GPI: variants seen among roughly 807,000 people sequenced by gnomAD.
The protein encoded by GPI is D-hexose-6-phosphate anomerase.
In GPI, 56 loss-of-function variants were observed where a neutral mutation model predicts 75.8. The observed-to-expected ratio is 0.74, with a 90% CI of 0.60 to 0.92. The LOEUF (loss-of-function observed/expected upper bound fraction) is 0.92, where lower values mean the gene tolerates loss of function less well. GPI is among the 40% of genes least tolerant of loss of function. The pLI, the probability that GPI is intolerant of heterozygous loss-of-function variation, is 0.00. For missense variants in GPI, 638 were observed against 741.0 expected (o/e 0.86, Z 1.61); for synonymous variants, 288 against 285.4 (o/e 1.01, Z -0.09).
At chr19:34,370,848 G>C (rs566937840) in intron 4 of GPI, among the ~76,000 whole-genome samples, 40 of 152,320 alleles carry the variant, frequency 2.6e-4, no homozygotes, top group Non-Finnish European at 4.0e-4. Context: ...AGCCCGGGAG[G>C]TTGAGTCTGT....
Position 34,377,743 on chromosome 19 carries a change from C to T in GPI, c.495C>T (p.Leu165=), listed in dbSNP as rs773471277. ...IGIGGSDLGP[L]MVTEALKPYS... ...GCTATGTCTCCCCGCAGGGACCCCT[C>T]ATGGTGACTGAAGCCCTTAAGCCAT... The change falls in exon 6 of 18, where the codon CTC becomes CTT. Residue 165 remains leucine, a synonymous_variant. Coordinates refer to ENST00000356487, the MANE Select transcript of GPI (RefSeq NM_000175.5). 6.8e-6 allele frequency: 11 copies of T among 1,613,908 alleles called. No individual in the cohort carries two copies. The highest frequency in any genetic ancestry group is 1.6e-4 in the Middle Eastern group (1 of 6,084).
At chr19:34,389,388 G>A (rs8191410) in intron 9 of GPI, among the ~76,000 whole-genome samples, 2,223 of 152,210 alleles carry the variant, frequency 0.015, 24 homozygotes, top group South Asian at 0.025. Flanking sequence ...TCCTCCCACC[G>A]TGCCTCTCAG....
chr19:34,361,494 G>A (rs1425109746), upstream of GPI, among the ~76,000 whole-genome samples: 1 of 152,208 alleles, frequency 6.6e-6, no homozygotes, highest in Non-Finnish European at 1.5e-5. Flanking sequence ...GCATGGAGCT[G>A]TGCACGTAGT....
chr19:34,385,216 G>A (rs36041853), intron 9 of GPI, among the ~76,000 whole-genome samples: 18,968 of 151,986 alleles, frequency 0.12, 1,634 homozygotes, highest in African/African-American at 0.24. Context: ...GGGTGTGGTG[G>A]CACACGCCTG....
chr19:34,366,359 C>T lies in GPI; in HGVS notation c.137C>T (p.Thr46Ile). 1.2e-6 allele frequency: 2 copies of T among 1,611,606 alleles called. No homozygotes were observed. The highest frequency in any genetic ancestry group is 1.7e-6 in the Non-Finnish European group (2 of 1,177,654). ...RFNHFSLTLNTNHGHILVDYS... is the reference protein window; with the variant it reads ...RFNHFSLTLNINHGHILVDYS... The stretch of plus-strand genomic sequence containing the variant: ...TCTTTCTGCAGCTTGACCCTCAACA[C>T]CAACCATGGGCATATCCTGGTGGAT... Residue 46 changes from threonine to isoleucine, a missense_variant, in exon 2 of 18, where the codon ACC (threonine) becomes ATC (isoleucine). Physicochemically the swap from Thr to Ile is moderately conservative, Grantham distance 89. Coordinates refer to ENST00000356487, the MANE Select transcript of GPI (RefSeq NM_000175.5).
At chr19:34,366,039 C>T in intron 1 of GPI, 2 of 611,734 alleles carry the variant, frequency 3.3e-6, no homozygotes, top group Non-Finnish European at 6.1e-6. Flanking sequence ...TGGATGGGTG[C>T]CTGAGTAACT....
At chr19:34,399,056 G>A in intron 14 of GPI, 151 bp from the exon 15 acceptor site, 2 of 622,864 alleles carry the variant, frequency 3.2e-6, no homozygotes, top group South Asian at 1.9e-5. Flanking sequence ...GCCTTGTGGT[G>A]TCATCGGATG....
intron 9 of GPI, chr19:34,392,211 A>AAGTG (rs2074861668): frequency 1.3e-3 from 3 of 2,382 alleles, no homozygotes; most frequent in South Asian, 0.01. Context: ...TGGCCCCCTT[A>AAGTG]TGAGGATCTG....
rs756052282 is a variant in GPI, at chr19:34,393,806, G to T, written c.909+35G>T. 1.2e-6 allele frequency: 2 copies of T among 1,611,334 alleles called. No homozygotes were observed. The highest frequency in any genetic ancestry group is 1.7e-6 in the Non-Finnish European group (2 of 1,178,864). Reference sequence around the variant, plus strand: ...GAGGCTGGTTCTCTGCCAAGTGCTGGCCAGAGGCGCGTGTGTTGGTCCTGG... The same window carrying T: ...GAGGCTGGTTCTCTGCCAAGTGCTGTCCAGAGGCGCGTGTGTTGGTCCTGG... On this transcript the variant is annotated intron_variant, in intron 11 of 17. Transcript: ENST00000356487. The surrounding 1 kb of genome is among the most constrained non-coding windows in gnomAD (Gnocchi z 4.4).
rs372395628 is a variant in GPI at position 34,379,879 on chromosome 19, A to C, written c.750+317A>C. 1,624 of 527,474 alleles carry C rather than the reference A, an allele frequency of 3.1e-3. 46 individuals carry two copies. In the South Asian group the frequency reaches 0.033, roughly 11 times the overall value. 32.7% of individuals were successfully genotyped at this position (527,474 alleles called of 1,614,324 possible). ...GGCCTTTGTGCCCAGCATCTCCCCA[A>C]ATGTGACATGCTAGGTAGGGGTAGA... On this transcript the variant is annotated intron_variant, in intron 8 of 17. Transcript: ENST00000356487.
At position 34,383,884 on chromosome 19, in the gene GPI, G is replaced by A. The variant is rs542781128; in HGVS notation, c.804+2365G>A. On this transcript the variant is annotated intron_variant, in intron 9 of 17. Transcript: ENST00000356487. ...ACCAGGCTCCCTCAGGCCGAGGTCA[G>A]CAGCCAGGGATCTGTCATGTGTGAG... is the stretch of plus-strand genomic sequence containing the variant. Among the ~76,000 whole-genome samples the A allele has an allele frequency of 6.6e-5, 10 of 152,352 alleles. No homozygotes were observed. The East Asian group carries it at 1.9e-3, about 29-fold the overall frequency.
chr19:34,378,117 G>A (rs1232554485), intron 6 of GPI, among the ~76,000 whole-genome samples: 3 of 152,202 alleles, frequency 2.0e-5, no homozygotes, highest in East Asian at 3.8e-4. Flanking sequence ...GACCACACCC[G>A]CTCGCCTTGC....
chr19:34,367,957 G>A (rs994505851), intron 3 of GPI, among the ~76,000 whole-genome samples: 2 of 152,216 alleles, frequency 1.3e-5, no homozygotes, highest in Admixed American at 6.5e-5. Flanking sequence ...GTCTTGCTCT[G>A]TCGCCCAGGC....
At chr19:34,371,415 A>G (rs192733858) in intron 4 of GPI, among the ~76,000 whole-genome samples, 44 of 152,282 alleles carry the variant, frequency 2.9e-4, no homozygotes, top group African/African-American at 1.0e-3. Flanking sequence ...CTGGGCACCA[A>G]TAGGGATTAG....
chr19:34,377,465 G>A, intron 4 of GPI, 38 bp from the exon 5 acceptor site: 2 of 1,460,558 alleles, frequency 1.4e-6, no homozygotes, highest in Non-Finnish European at 1.9e-6. Context: ...GATTATGCCT[G>A]GGGGTTTGGG....
intron 9 of GPI, chr19:34,392,868 C>T: frequency 4.8e-6 from 1 of 210,292 alleles, no homozygotes; most frequent in Non-Finnish European, 8.5e-6. Context: ...GGTATGAGGC[C>T]TGGGGTCTGT....
upstream of GPI, chr19:34,365,068 C>A (rs1305836257): frequency 1.4e-6 from 2 of 1,474,150 alleles, no homozygotes; most frequent in African/African-American, 1.4e-5. Flanking sequence ...CGGGCAAGGT[C>A]GCTCAGCGGG....
chr19:34,392,697 A>G (rs2145417935), intron 9 of GPI: 1 of 29,364 alleles, frequency 3.4e-5, no homozygotes, highest in South Asian at 3.1e-4. Flanking sequence ...AAAGAGTTGA[A>G]GCTGTGTGCA....
chr19:34,401,807 T>G lies in GPI; in HGVS notation c.*1771T>G, dbSNP rs1051008312. The G allele has an allele frequency of 3.3e-5, 5 of 152,136 alleles. No individual in the cohort carries two copies. Among genetic ancestry groups the G allele is most frequent in the African/African-American group, 1.2e-4 (5 of 41,428 alleles). 9.4% of individuals were successfully genotyped at this position (152,136 alleles called of 1,614,324 possible). ...ATGCATGCCAGTACACCCAGCTCAT[T>G]TAAAAAAAAATTTTTTTCTTTTTTG... On this transcript the variant is annotated 3_prime_UTR_variant, in exon 18 of 18. Transcript: ENST00000356487.
Sources: gnomAD v4.1 joint callset for allele counts (sites outside exome capture counted in the v4.1 genomes callset) on GRCh38, gnomAD v4.1.1 for gene constraint, Gnocchi (gnomAD v3.1) non-coding constraint, MANE v1.5 for transcripts, NCBI Gene and HGNC (gene_info 2026-07-23, HGNC 2026-07-21) for gene names.